PRUNE1: variants seen among roughly 807,000 people sequenced by gnomAD.
The protein encoded by PRUNE1 is exopolyphosphatase PRUNE1.
PRUNE1 carries 25 observed loss-of-function variants against 42.5 expected under a neutral mutation model. The ratio of observed to expected loss-of-function variants is 0.59; its 90% CI spans 0.43 to 0.82. The LOEUF (loss-of-function observed/expected upper bound fraction) is 0.82, where lower values mean the gene tolerates loss of function less well. Ranked by LOEUF, PRUNE1 falls within the 40% of genes least tolerant of loss-of-function variation. The probability of loss-of-function intolerance (pLI) is 0.00; values close to 1 mark genes in which losing one functional copy is unlikely to be tolerated. For missense variants in PRUNE1, 443 were observed against 539.3 expected, an observed-to-expected ratio of 0.82 and a Z score of 1.77; for synonymous variants, 203 against 217.1, an observed-to-expected ratio of 0.93 and a Z score of 0.57.
In PRUNE1 at chr1:151,025,650, A is replaced by G. The variant is rs587607010; in HGVS notation, c.656A>G (p.Gln219Arg). The change falls in exon 5 of 8, where the codon CAA becomes CGA. Residue 219 changes from glutamine to arginine, a missense_variant. Coordinates refer to ENST00000271620, the MANE Select transcript of PRUNE1 (RefSeq NM_021222.3). The stretch of plus-strand genomic sequence containing the variant: ...AGAAATGATATATTTGATTCCCTAC[A>G]AAAGGCAAAGTTTGATGTATCAGGT... Reference protein sequence around the residue: ...PKRNDIFDSLQKAKFDVSGLT... With the variant: ...PKRNDIFDSLRKAKFDVSGLT... 14 of 1,613,684 alleles carry G rather than the reference A, an allele frequency of 8.7e-6. No homozygotes were observed. The East Asian group carries it at 2.0e-4, about 23-fold the overall frequency.
chr1:151,011,787 T>A (rs1414997111), intron 1 of PRUNE1, among the ~76,000 whole-genome samples: 2 of 151,744 alleles, frequency 1.3e-5, no homozygotes, highest in Non-Finnish European at 2.9e-5. Context: ...TAATTAATTT[T>A]TTTTTTTTTT....
rs113546506 is a variant in PRUNE1 at position 151,008,479 on chromosome 1, A to G, written c.-154A>G. ...CTTACGCAGTTCCTCCCGGGGTCGG[A>G]GGCCGATTCGCCGTGTGGCGGGTTC... On this transcript the variant is annotated 5_prime_UTR_variant, in exon 1 of 8. Transcript: ENST00000271620. The G allele has an allele frequency of 8.4e-7, 1 of 1,183,438 alleles. No individual in the cohort carries two copies. The highest frequency in any genetic ancestry group is 1.2e-6 in the Non-Finnish European group (1 of 809,586). 73.3% of individuals were successfully genotyped at this position (1,183,438 alleles called of 1,614,324 possible). A position where few individuals can be genotyped will look rare whatever the true frequency, so the allele number is the denominator to read the frequency against.
intron 6 of PRUNE1, 77 bp from the exon 7 acceptor site, chr1:151,028,709 G>A (rs778156978): frequency 1.9e-4 from 276 of 1,490,734 alleles, no homozygotes; most frequent in Non-Finnish European, 2.5e-4. Context: ...AGGCGTAAGC[G>A]ACCGTGCCCG....
intron 3 of PRUNE1, among the ~76,000 whole-genome samples, chr1:151,020,415 T>G (rs1674348494): frequency 6.6e-6 from 1 of 150,886 alleles, no homozygotes; most frequent in African/African-American, 2.4e-5. Flanking sequence ...ATCACATCAC[T>G]GTACTCCAGC....
At chr1:151,021,463 A>T (rs1258757721) in intron 3 of PRUNE1, among the ~76,000 whole-genome samples, 2 of 152,190 alleles carry the variant, frequency 1.3e-5, no homozygotes, top group East Asian at 3.8e-4. Context: ...CTCAAAAAAA[A>T]ATTTTTTTTA....
chr1:151,024,801 G>A lies in PRUNE1; in HGVS notation c.520+6G>A, dbSNP rs1310574334. 2 of 1,604,462 alleles carry A rather than the reference G, an allele frequency of 1.2e-6. No homozygotes were observed. The highest frequency in any genetic ancestry group is 1.7e-6 in the Non-Finnish European group (2 of 1,174,798). The stretch of plus-strand genomic sequence containing the variant: ...AACTGCAGCCCTTCTGCATGGTAAG[G>A]GTGGCTTTTGGATTGGGACCTCAGT... On this transcript the variant is annotated splice_donor_region_variant and intron_variant, in intron 4 of 7. Coordinates refer to ENST00000271620, the MANE Select transcript of PRUNE1 (RefSeq NM_021222.3).
chr1:151,029,493 G>A (rs988693931), intron 7 of PRUNE1, among the ~76,000 whole-genome samples: 11 of 146,258 alleles, frequency 7.5e-5, no homozygotes, highest in Non-Finnish European at 1.3e-4. Context: ...TCAGCCTCCC[G>A]AGTAGCTGGG....
chr1:151,008,498 C>T lies in PRUNE1; in HGVS notation c.-135C>T, dbSNP rs181435412. Reference sequence around the variant, plus strand: ...GGTCGGAGGCCGATTCGCCGTGTGGCGGGTTCGAGTCCCGCCTCCTGACTC... The same window carrying T: ...GGTCGGAGGCCGATTCGCCGTGTGGTGGGTTCGAGTCCCGCCTCCTGACTC... On this transcript the variant is annotated 5_prime_UTR_variant, in exon 1 of 8. Transcript: ENST00000271620. 54 of 1,270,914 alleles carry T rather than the reference C, an allele frequency of 4.2e-5. No homozygotes were observed. The highest frequency in any genetic ancestry group is 7.1e-5 in the Admixed American group (4 of 56,414). The allele number at this position is 1,270,914 out of a possible 1,614,324, so 78.7% of individuals were successfully genotyped here.
chr1:151,008,470 C>G lies in PRUNE1; in HGVS notation c.-163C>G, dbSNP rs1287369247. ...GAGCGCCCGCTTACGCAGTTCCTCC[C>G]GGGGTCGGAGGCCGATTCGCCGTGT... On this transcript the variant is annotated 5_prime_UTR_variant, in exon 1 of 8. Transcript: ENST00000271620. 8.7e-7 allele frequency: 1 copy of G among 1,151,332 alleles called. No individual in the cohort carries two copies. Among genetic ancestry groups the G allele is most frequent in the Non-Finnish European group, 1.3e-6 (1 of 787,660 alleles). The allele number at this position is 1,151,332 out of a possible 1,614,324, so 71.3% of individuals were successfully genotyped here. A position where few individuals can be genotyped will look rare whatever the true frequency, so the allele number is the denominator to read the frequency against.
In PRUNE1 at chr1:151,034,340, C is replaced by T. The variant is rs1163803186; in HGVS notation, c.*106C>T. ...AATTCTGTCTTCATTGCTCCAGGAT[C>T]TGGTATACTGTTCTCATAAAACTGA... On this transcript the variant is annotated 3_prime_UTR_variant, in exon 8 of 8. Transcript: ENST00000271620. 8.4e-7 allele frequency: 1 copy of T among 1,188,892 alleles called. No homozygotes were observed. The highest frequency in any genetic ancestry group is 2.4e-5 in the East Asian group (1 of 42,012). 73.6% of individuals were successfully genotyped at this position (1,188,892 alleles called of 1,614,324 possible). A position where few individuals can be genotyped will look rare whatever the true frequency, so the allele number is the denominator to read the frequency against.
At chr1:151,013,723 G>A (rs920138291) in intron 1 of PRUNE1, among the ~76,000 whole-genome samples, 1 of 152,070 alleles carries the variant, frequency 6.6e-6, no homozygotes, top group African/African-American at 2.4e-5. Context: ...GAGAACACTC[G>A]CTCCCCCTAA....
intron 1 of PRUNE1, among the ~76,000 whole-genome samples, chr1:151,014,202 A>G (rs1673957434): frequency 6.6e-6 from 1 of 152,138 alleles, no homozygotes; most frequent in African/African-American, 2.4e-5. Flanking sequence ...GATAGTCTCG[A>G]TCTCCTGACC....
intron 6 of PRUNE1, 122 bp downstream of exon 6, chr1:151,027,449 C>T (rs1571806933): frequency 2.9e-6 from 2 of 682,846 alleles, no homozygotes; most frequent in South Asian, 1.7e-5. Flanking sequence ...ATCTTTGTCT[C>T]TACCTCCACT....
Position 151,025,495 on chromosome 1 carries a change from ACC to A in PRUNE1, c.521-19_521-18del, listed in dbSNP as rs1674772167. On this transcript the variant is annotated intron_variant, in intron 4 of 7. Transcript: ENST00000271620. ...TGAAGGGTCACAGGATTCAAGTTCC[ACC>A]ATCTCCCTTCTCCACAGGAACCATC... 6.2e-7 allele frequency: 1 copy of A among 1,609,122 alleles called. No homozygotes were observed. The highest frequency in any genetic ancestry group is 1.7e-5 in the Admixed American group (1 of 58,838).
intron 7 of PRUNE1, among the ~76,000 whole-genome samples, chr1:151,030,262 C>CAAAAA (rs779376441): frequency 1.2e-5 from 1 of 86,076 alleles, no homozygotes. Flanking sequence ...ACTCCGTCTC[C>CAAAAA]AAAAAAAAAA....
chr1:151,024,186 CA>C (rs34553676), intron 3 of PRUNE1, among the ~76,000 whole-genome samples: 47,644 of 108,374 alleles, frequency 0.44, 7,702 homozygotes, highest in Middle Eastern at 0.61. Context: ...GACTCCGTCT[CA>C]AAAAAAAAAA....
At chr1:151,013,153 CTG>C (rs1378129223) in intron 1 of PRUNE1, among the ~76,000 whole-genome samples, 2 of 152,148 alleles carry the variant, frequency 1.3e-5, no homozygotes, top group East Asian at 1.9e-4. Context: ...ACCCCAAAGT[CTG>C]TGATCTTTTC....
At chr1:151,011,226 G>A (rs76634119) in intron 1 of PRUNE1, among the ~76,000 whole-genome samples, 2,243 of 152,102 alleles carry the variant, frequency 0.015, 61 homozygotes, top group African/African-American at 0.051. Flanking sequence ...AAAGACAGCT[G>A]GTAATCCAGC....
Position 151,029,722 on chromosome 1 carries a change from G to A in PRUNE1, c.933+778G>A, listed in dbSNP as rs587683656. On this transcript the variant is annotated intron_variant, in intron 7 of 7. Coordinates refer to ENST00000271620, the MANE Select transcript of PRUNE1 (RefSeq NM_021222.3). ...AAGATAGCAAGACCTCATCTCTGTT[G>A]GGGAAAAAAAAAAACAAAAACTCTA... is the stretch of plus-strand genomic sequence containing the variant. Among the ~76,000 whole-genome samples, 53 of 150,756 alleles carry A rather than the reference G, an allele frequency of 3.5e-4. No individual in the cohort carries two copies. In the South Asian group the frequency reaches 7.3e-3, roughly 21 times the overall value.
Sources: gnomAD v4.1 joint callset for allele counts (sites outside exome capture counted in the v4.1 genomes callset) on GRCh38, gnomAD v4.1.1 for gene constraint, MANE v1.5 for transcripts, NCBI Gene and HGNC (gene_info 2026-07-23, HGNC 2026-07-21) for gene names.